ADAMTS19: variants seen among roughly 807,000 people sequenced by gnomAD.
The protein encoded by ADAMTS19 is ADAM metallopeptidase with thrombospondin type 1 motif 19.
In ADAMTS19, 93 loss-of-function variants were observed where a neutral mutation model predicts 153.3. The ratio of observed to expected loss-of-function variants is 0.61; its 90% CI spans 0.51 to 0.72. The LOEUF (loss-of-function observed/expected upper bound fraction) is 0.72, where lower values mean the gene tolerates loss of function less well. ADAMTS19 is among the 30% of genes least tolerant of loss of function. ADAMTS19 has a pLI of 0.00. For synonymous variants in ADAMTS19, 600 were observed against 556.6 expected (o/e 1.08, Z -1.10); for missense variants, 1,482 against 1,552.1 (o/e 0.95, Z 0.76).
At chr5:129,641,054 ATG>A in intron 10 of ADAMTS19, among the ~76,000 whole-genome samples, 1 of 152,158 alleles carries the variant, frequency 6.6e-6, no homozygotes, top group East Asian at 1.9e-4. Flanking sequence ...TGTTAACAAT[ATG>A]TGTGAGTCTA....
chr5:129,608,633 C>G (rs994507689), intron 8 of ADAMTS19, among the ~76,000 whole-genome samples: 1 of 151,758 alleles, frequency 6.6e-6, no homozygotes, highest in African/African-American at 2.4e-5. Context: ...AAATAGAGAC[C>G]AGTTATAATG....
chr5:129,702,988 A>G (rs1755982902), intron 20 of ADAMTS19, among the ~76,000 whole-genome samples: 1 of 145,982 alleles, frequency 6.9e-6, no homozygotes, highest in Non-Finnish European at 1.5e-5. Flanking sequence ...ACATATATAT[A>G]TGTATTAAAG....
intron 7 of ADAMTS19, among the ~76,000 whole-genome samples, chr5:129,574,943 C>A (rs1030394121): frequency 2.6e-5 from 4 of 151,648 alleles, no homozygotes; most frequent in African/African-American, 7.3e-5. Flanking sequence ...AATACATCTA[C>A]AGTTTGAGTC....
chr5:129,556,444 T>C (rs980949248), intron 7 of ADAMTS19, among the ~76,000 whole-genome samples: 2 of 152,224 alleles, frequency 1.3e-5, no homozygotes, highest in African/African-American at 4.8e-5. Flanking sequence ...CTATTGATTA[T>C]GAAGTTGCCT....
chr5:129,602,967 T>A (rs554812716), intron 8 of ADAMTS19, among the ~76,000 whole-genome samples: 1 of 152,148 alleles, frequency 6.6e-6, no homozygotes, highest in African/African-American at 2.4e-5. Flanking sequence ...ATGATCTTAC[T>A]ACTCAAGTGT....
At position 129,506,708 on chromosome 5, in the gene ADAMTS19, T is replaced by C. The variant is rs774516434; in HGVS notation, c.748-2369T>C. Among the ~76,000 whole-genome samples the C allele has an allele frequency of 2.9e-4, 44 of 152,010 alleles. 1 individual carries two copies. Among genetic ancestry groups the C allele is most frequent in the Non-Finnish European group, 5.9e-4 (40 of 67,976 alleles). ...ATAAAGTTAGATCCTTTGGACTTTGTGAGTTTTTCAGCCTGTACTCAAATG... is the reference window on the plus strand; with the variant it reads ...ATAAAGTTAGATCCTTTGGACTTTGCGAGTTTTTCAGCCTGTACTCAAATG... On this transcript the variant is annotated intron_variant, in intron 2 of 22. Transcript: ENST00000274487.
At chr5:129,629,609 A>G (rs147115909) in intron 10 of ADAMTS19, among the ~76,000 whole-genome samples, 182 of 152,246 alleles carry the variant, frequency 1.2e-3, no homozygotes, top group African/African-American at 3.5e-3. Flanking sequence ...TTAGGATAAC[A>G]ACTTACATCT....
Position 129,494,626 on chromosome 5 carries a change from T to C in ADAMTS19, c.748-14451T>C, listed in dbSNP as rs185585668. Among the ~76,000 whole-genome samples the C allele has an allele frequency of 3.9e-4, 60 of 152,278 alleles. No individual in the cohort carries two copies. The East Asian group carries it at 0.012, about 29-fold the overall frequency. The stretch of plus-strand genomic sequence containing the variant: ...CAGCTACCTAGATGAAATTTAAATA[T>C]GAAATCTAATAGACACACCAAGTTT... On this transcript the variant is annotated intron_variant, in intron 2 of 22. Coordinates refer to ENST00000274487, the MANE Select transcript of ADAMTS19 (RefSeq NM_133638.6).
intron 10 of ADAMTS19, among the ~76,000 whole-genome samples, chr5:129,627,440 G>A (rs1291934040): frequency 6.6e-6 from 1 of 151,936 alleles, no homozygotes; most frequent in African/African-American, 2.4e-5. Context: ...TCTGGACATA[G>A]GAATGAGCAA....
At chr5:129,564,873 A>G (rs1392976154) in intron 7 of ADAMTS19, among the ~76,000 whole-genome samples, 1 of 152,208 alleles carries the variant, frequency 6.6e-6, no homozygotes, top group African/African-American at 2.4e-5. Flanking sequence ...GGGCCTGGGC[A>G]TGACATTAGC....
intron 8 of ADAMTS19, among the ~76,000 whole-genome samples, chr5:129,602,055 C>T (rs1455723197): frequency 6.0e-5 from 9 of 149,522 alleles, no homozygotes; most frequent in African/African-American, 1.9e-4. Context: ...TTTTAGACCA[C>T]TCAAACTTGT....
intron 6 of ADAMTS19, among the ~76,000 whole-genome samples, chr5:129,546,403 A>T (rs1363376761): frequency 6.6e-6 from 1 of 151,028 alleles, no homozygotes; most frequent in Admixed American, 6.6e-5. Context: ...AATTAAAAAA[A>T]AGAGAAGATA....
intron 6 of ADAMTS19, among the ~76,000 whole-genome samples, chr5:129,531,941 G>T (rs2126776204): frequency 6.6e-6 from 1 of 152,030 alleles, no homozygotes; most frequent in Admixed American, 6.6e-5. Context: ...TACATCAAAT[G>T]GTACAAATGG....
At chr5:129,625,545 G>T (rs1394970420) in intron 10 of ADAMTS19, among the ~76,000 whole-genome samples, 1 of 152,118 alleles carries the variant, frequency 6.6e-6, no homozygotes, top group Non-Finnish European at 1.5e-5. Context: ...GGTGTGAGAT[G>T]GTATCTCATT....
chr5:129,498,847 C>A (rs1751011937), intron 2 of ADAMTS19, among the ~76,000 whole-genome samples: 2 of 141,314 alleles, frequency 1.4e-5, no homozygotes, highest in Admixed American at 1.4e-4. Context: ...CTGCTTTTTA[C>A]AATTTAGAAT....
intron 6 of ADAMTS19, among the ~76,000 whole-genome samples, chr5:129,535,643 G>A (rs1029609135): frequency 1.1e-4 from 16 of 152,190 alleles, no homozygotes; most frequent in East Asian, 3.9e-4. Context: ...GAGGCATCAC[G>A]CTAGCTGACT....
chr5:129,704,386 T>C lies in ADAMTS19; in HGVS notation c.3307T>C (p.Ser1103Pro). 3.1e-6 allele frequency: 5 copies of C among 1,613,550 alleles called. No homozygotes were observed. The highest frequency in any genetic ancestry group is 4.2e-6 in the Non-Finnish European group (5 of 1,179,688). ...KCYVWRMGDW[S>P]KCSITCGKGM... ...CTATGTGTGGCGAATGGGTGACTGGTCTAAGGTGAGAACCATTCTGTATAT... is the reference window on the plus strand; with the variant it reads ...CTATGTGTGGCGAATGGGTGACTGGCCTAAGGTGAGAACCATTCTGTATAT... Residue 1103 changes from serine (S) to proline (P), a missense_variant, in exon 21 of 23, where the codon TCT becomes CCT. Physicochemically the swap from Ser to Pro is moderately conservative, Grantham distance 74. Around this residue, in one of 2 missense-constraint regions of ADAMTS19, gnomAD observed 616 missense variants for 724.4 expected, o/e 0.85. Coordinates refer to ENST00000274487, the MANE Select transcript of ADAMTS19 (RefSeq NM_133638.6).
chr5:129,708,414 T>A (rs1447403053), intron 21 of ADAMTS19, among the ~76,000 whole-genome samples: 10 of 152,024 alleles, frequency 6.6e-5, no homozygotes. Flanking sequence ...CCTGCCAACT[T>A]AAATCTTCAT....
Position 129,471,125 on chromosome 5 carries a change from G to GTAGT in ADAMTS19, c.747+9370_747+9373dup, listed in dbSNP as rs577067612. Among the ~76,000 whole-genome samples, 1,029 of 151,586 alleles carry GTAGT rather than the reference G, an allele frequency of 6.8e-3. 14 individuals carry two copies. Among genetic ancestry groups the GTAGT allele is most frequent in the African/African-American group, 0.024 (999 of 41,018 alleles). On this transcript the variant is annotated intron_variant, in intron 2 of 22. Transcript: ENST00000274487. ...TGGGGGGTGGTTTGGTGAGGTAGAG[G>GTAGT]TAGTTGGTAGAGGAAGTCTCTATTA...
Sources: allele counts gnomAD v4.1 joint callset (sites outside exome capture counted in the v4.1 genomes callset), GRCh38; gene constraint gnomAD v4.1.1; regional missense constraint gnomAD v4.1.1; transcripts MANE v1.5; gene names NCBI Gene and HGNC (gene_info 2026-07-23, HGNC 2026-07-21).